The following TTL variants were observed in gnomAD, a reference collection of about 807,000 sequenced individuals.
TTL encodes tubulin--tyrosine ligase.
TTL carries 10 observed loss-of-function variants against 41.1 expected under a neutral mutation model. That is an observed-to-expected ratio of 0.24 (90% CI 0.15 to 0.41). TTL has a LOEUF of 0.41. TTL is among the 10% of genes least tolerant of loss of function. The pLI, the probability that TTL is intolerant of heterozygous loss-of-function variation, is 1.00. For missense variants in TTL, 367 were observed against 460.4 expected (o/e 0.80, Z 1.86); for synonymous variants, 175 against 175.5 (o/e 1.00, Z 0.02).
intron 2 of TTL, among the ~76,000 whole-genome samples, chr2:112,491,032 C>T (rs1681371261): frequency 6.6e-6 from 1 of 152,094 alleles, no homozygotes; most frequent in African/African-American, 2.4e-5. Flanking sequence ...CACTCTGTCA[C>T]CCAGGTTGGA....
intron 2 of TTL, among the ~76,000 whole-genome samples, chr2:112,491,501 T>A (rs1293618733): frequency 6.6e-6 from 1 of 152,250 alleles, no homozygotes; most frequent in Non-Finnish European, 1.5e-5. Context: ...CAATTGTGAC[T>A]CAGCTGAAGA....
chr2:112,499,049 T>A (rs1203709804), intron 3 of TTL, among the ~76,000 whole-genome samples: 1 of 151,790 alleles, frequency 6.6e-6, no homozygotes, highest in Non-Finnish European at 1.5e-5. Context: ...CCAGGCACGG[T>A]GGCTCTCGGC....
rs1487341129 is a variant in TTL, at chr2:112,482,316, C to T, written c.-29C>T. 1 of 1,462,966 alleles carries T rather than the reference C, an allele frequency of 6.8e-7. No individual in the cohort carries two copies. Among genetic ancestry groups the T allele is most frequent in the Non-Finnish European group, 9.1e-7 (1 of 1,099,126 alleles). The allele number at this position is 1,462,966 out of a possible 1,614,324, so 90.6% of individuals were successfully genotyped here. ...GCCGCCTGGTCCCTGCGGCGGCTGCCCGGCGGCCCGGGCGCGCGGCGCTTC... is the reference window on the plus strand; with the variant it reads ...GCCGCCTGGTCCCTGCGGCGGCTGCTCGGCGGCCCGGGCGCGCGGCGCTTC... On this transcript the variant is annotated 5_prime_UTR_variant, in exon 1 of 7. Coordinates refer to ENST00000233336, the MANE Select transcript of TTL (RefSeq NM_153712.5). The surrounding 1 kb of genome is among the most constrained non-coding windows in gnomAD (Gnocchi z 5.3).
chr2:112,519,195 T>A (rs530174179), intron 5 of TTL, among the ~76,000 whole-genome samples: 1 of 152,292 alleles, frequency 6.6e-6, no homozygotes, highest in East Asian at 1.9e-4. Context: ...AAATAATAGA[T>A]ATATGGTTAT....
rs751098866 is a variant in TTL, at chr2:112,482,979, C to T, written c.157+478C>T. Among the ~76,000 whole-genome samples the T allele has an allele frequency of 6.6e-6, 1 of 152,254 alleles. No individual in the cohort carries two copies. The highest frequency in any genetic ancestry group is 1.5e-5 in the Non-Finnish European group (1 of 68,042). On this transcript the variant is annotated intron_variant, in intron 1 of 6. Transcript: ENST00000233336. This position sits in a 1 kb window ranked among gnomAD's most constrained non-coding sequence, Gnocchi z 5.3. ...GCCGTAGGTGTTGAAACCCCTGAGGCTTCTGCCCCCCGAAGGCGCGGAGGA... is the reference window on the plus strand; with the variant it reads ...GCCGTAGGTGTTGAAACCCCTGAGGTTTCTGCCCCCCGAAGGCGCGGAGGA...
rs755425925 is a variant in TTL, at chr2:112,520,459, G to C, written c.1019+34G>C. 1.9e-6 allele frequency: 3 copies of C among 1,607,654 alleles called. No individual in the cohort carries two copies. In the Admixed American group the frequency reaches 5.0e-5, roughly 27 times the overall value. The stretch of plus-strand genomic sequence containing the variant: ...GCACGTCATTGTGTTTTTACAAGTG[G>C]GAAGTTGGTTCTGCAGTTGGGATAG... On this transcript the variant is annotated intron_variant, in intron 6 of 6. Coordinates refer to ENST00000233336, the MANE Select transcript of TTL (RefSeq NM_153712.5).
At chr2:112,493,546 C>A (rs1681447232) in intron 2 of TTL, among the ~76,000 whole-genome samples, 1 of 152,160 alleles carries the variant, frequency 6.6e-6, no homozygotes, top group Admixed American at 6.5e-5. Flanking sequence ...AAGTGCCTTG[C>A]CTGACTTTAT....
chr2:112,513,631 G>C (rs1004840064), intron 5 of TTL, among the ~76,000 whole-genome samples: 2 of 145,904 alleles, frequency 1.4e-5, no homozygotes, highest in Non-Finnish European at 3.0e-5. Flanking sequence ...ATTTATACAA[G>C]TATGAATATT....
At chr2:112,498,566 A>C (rs937831802) in intron 3 of TTL, among the ~76,000 whole-genome samples, 1 of 152,182 alleles carries the variant, frequency 6.6e-6, no homozygotes, top group African/African-American at 2.4e-5. Flanking sequence ...TTCTTATCAA[A>C]ATGTTAGCAA....
intron 5 of TTL, among the ~76,000 whole-genome samples, chr2:112,512,210 G>C (rs889751229): frequency 4.1e-4 from 63 of 151,816 alleles, no homozygotes; most frequent in African/African-American, 1.5e-3. Flanking sequence ...TCCTGCCTCA[G>C]CCTCCTGAGT....
chr2:112,498,520 T>C (rs193169878), intron 3 of TTL, among the ~76,000 whole-genome samples: 1 of 152,312 alleles, frequency 6.6e-6, no homozygotes, highest in Admixed American at 6.5e-5. Flanking sequence ...AGTAAAGATG[T>C]CAGTTCACCC....
chr2:112,528,829 C>T lies in TTL; in HGVS notation c.*34C>T, dbSNP rs778158511. The T allele has an allele frequency of 2.1e-5, 32 of 1,495,508 alleles. No homozygotes were observed. Among genetic ancestry groups the T allele is most frequent in the Admixed American group, 1.5e-4 (9 of 59,892 alleles). 92.6% of individuals were successfully genotyped at this position (1,495,508 alleles called of 1,614,324 possible). ...ACTCCCTGCTGCCTTGGAAAAAGCA[C>T]GGGGTCCTGCTCCAGGGAATGGTGA... On this transcript the variant is annotated 3_prime_UTR_variant, in exon 7 of 7. Transcript: ENST00000233336.
rs560667104 is a variant in TTL at position 112,539,523 on chromosome 2, C to T, written c.*10728C>T. ...AACTAGAAATAAATTACTTCCTCAA[C>T]ATGATAAAGAGCATCTTTGGAAAAA... On this transcript the variant is annotated 3_prime_UTR_variant, in exon 7 of 7. Coordinates refer to ENST00000233336, the MANE Select transcript of TTL (RefSeq NM_153712.5). 3 of 152,296 alleles carry T rather than the reference C, an allele frequency of 2.0e-5. No individual in the cohort carries two copies. The South Asian group carries it at 6.2e-4, about 32-fold the overall frequency. 9.4% of individuals were successfully genotyped at this position (152,296 alleles called of 1,614,324 possible).
In TTL at chr2:112,501,180, T is replaced by C. The variant is rs755787055; in HGVS notation, c.470-26T>C. On this transcript the variant is annotated intron_variant, in intron 3 of 6. Coordinates refer to ENST00000233336, the MANE Select transcript of TTL (RefSeq NM_153712.5). ...GAGCTCTTGGTTTGAATTGGATTGG[T>C]TTGTCTTTTGCTTTTTCCCTGTTAG... 20 of 1,597,146 alleles carry C rather than the reference T, an allele frequency of 1.3e-5. No individual in the cohort carries two copies. In the Middle Eastern group the frequency reaches 5.0e-4, roughly 40 times the overall value.
At chr2:112,526,265 C>T (rs1192612360) in intron 6 of TTL, among the ~76,000 whole-genome samples, 3 of 152,168 alleles carry the variant, frequency 2.0e-5, no homozygotes, top group Admixed American at 6.5e-5. Flanking sequence ...TGTTGTGTCT[C>T]TGCCAGGCTT....
At chr2:112,503,823 T>C (rs1360096323) in intron 5 of TTL, among the ~76,000 whole-genome samples, 1 of 136,732 alleles carries the variant, frequency 7.3e-6, no homozygotes, top group Non-Finnish European at 1.6e-5. Flanking sequence ...TTTTTTTTTT[T>C]TTATTATACT....
In TTL at chr2:112,520,846, AG is replaced by A. The variant is rs1682205753; in HGVS notation, c.1019+423del. Among the ~76,000 whole-genome samples the A allele has an allele frequency of 4.6e-5, 7 of 152,182 alleles. No homozygotes were observed. The South Asian group carries it at 1.5e-3, about 32-fold the overall frequency. Reference sequence around the variant, plus strand: ...GGTGGGAGGATCACTTGAGCCTGGGAGGTTGAGGCTGCAGTGAGCCATGACT... The same window carrying A: ...GGTGGGAGGATCACTTGAGCCTGGGAGTTGAGGCTGCAGTGAGCCATGACT... On this transcript the variant is annotated intron_variant, in intron 6 of 6. Transcript: ENST00000233336.
rs146355232 is a variant in TTL at position 112,485,960 on chromosome 2, T to C, written c.201T>C (p.Gly67=). The change falls in exon 2 of 7, where the codon GGT becomes GGC. Residue 67 remains glycine, a synonymous_variant. Coordinates refer to ENST00000233336, the MANE Select transcript of TTL (RefSeq NM_153712.5). Reference sequence around the variant, plus strand: ...TACAGTTGGTGAATTACTACAGGGGTGCTGACAAACTGTGTCGCAAAGCTT... The same window carrying C: ...TACAGTTGGTGAATTACTACAGGGGCGCTGACAAACTGTGTCGCAAAGCTT... The part of the protein sequence containing the change: ...GLVQLVNYYR[G]ADKLCRKASL... The C allele has an allele frequency of 5.5e-5, 88 of 1,614,018 alleles. No individual in the cohort carries two copies. In the African/African-American group the frequency reaches 1.0e-3, roughly 19 times the overall value.
intron 5 of TTL, among the ~76,000 whole-genome samples, chr2:112,518,921 C>T (rs1002646240): frequency 1.3e-5 from 2 of 152,216 alleles, no homozygotes; most frequent in South Asian, 2.1e-4. Flanking sequence ...GTTACCCACC[C>T]GCCTCGGCCT....
Sources: allele counts gnomAD v4.1 joint callset (sites outside exome capture counted in the v4.1 genomes callset), GRCh38; gene constraint gnomAD v4.1.1; non-coding constraint Gnocchi (gnomAD v3.1); transcripts MANE v1.5; gene names NCBI Gene and HGNC (gene_info 2026-07-23, HGNC 2026-07-21).